Variants in RNF14 observed in about 807,000 individuals in gnomAD.
RNF14 encodes the protein E3 ubiquitin-protein ligase RNF14.
Under a neutral mutation model 52.6 loss-of-function variants are expected in RNF14, and 26 were observed. The ratio of observed to expected loss-of-function variants is 0.49; its 90% CI spans 0.36 to 0.69. The LOEUF (loss-of-function observed/expected upper bound fraction) is 0.69. Ranked by LOEUF, RNF14 falls within the 30% of genes least tolerant of loss-of-function variation. The pLI, the probability that RNF14 is intolerant of heterozygous loss-of-function variation, is 0.00. For synonymous variants in RNF14, 194 were observed against 202.0 expected (o/e 0.96, Z 0.34); for missense variants, 404 against 560.4 (o/e 0.72, Z 2.82).
At chr5:141,980,033 T>C in intron 5 of RNF14, 90 bp from the exon 6 acceptor site, 2 of 977,902 alleles carry the variant, frequency 2.0e-6, no homozygotes, top group South Asian at 1.4e-5. Context: ...TATGTGCCCA[T>C]CTGGTTTACA....
the RNF14 span, chr5:141,952,906 C>T: frequency 1.3e-5 from 2 of 152,238 alleles, no homozygotes; most frequent in Non-Finnish European, 1.5e-5. Context: ...CTCTGTGCAG[C>T]TTGAGGTAGG....
chr5:141,969,836 G>A (rs252132), intron 1 of RNF14: 117,617 of 152,206 alleles, frequency 0.77, 45,635 homozygotes, highest in East Asian at 0.98. Flanking sequence ...CTAATGTGCA[G>A]TCAGATGGAG....
upstream of RNF14, chr5:141,955,141 G>T: frequency 6.2e-7 from 1 of 1,614,208 alleles, no homozygotes; most frequent in Non-Finnish European, 8.5e-7. The surrounding 1 kb of genome is among the most constrained non-coding windows in gnomAD (Gnocchi z 5.5). Context: ...AGAGGAGGCT[G>T]GTGGCCTCTG....
rs1192268968 is a variant in RNF14, at chr5:141,987,989, A to C, written c.*199A>C. On this transcript the variant is annotated 3_prime_UTR_variant, in exon 9 of 9. Coordinates refer to ENST00000394520, the MANE Select transcript of RNF14 (RefSeq NM_004290.5). The stretch of plus-strand genomic sequence containing the variant: ...ACATTTTTAAATGTAAGTTGAGAAA[A>C]ATTTATAAGCCAAAGGTTCAGAAAA... 11 of 548,354 alleles carry C rather than the reference A, an allele frequency of 2.0e-5. No individual in the cohort carries two copies. The highest frequency in any genetic ancestry group is 1.9e-4 in the Admixed American group (6 of 32,046). The allele number at this position is 548,354 out of a possible 1,614,324, so 34.0% of individuals were successfully genotyped here.
At chr5:141,961,172 A>G (rs571639353) in intron 1 of RNF14, among the ~76,000 whole-genome samples, 1 of 152,236 alleles carries the variant, frequency 6.6e-6, no homozygotes, top group African/African-American at 2.4e-5. Flanking sequence ...TGTTTTATCT[A>G]TATATATTTT....
chr5:141,974,924 C>T lies in RNF14; in HGVS notation c.275C>T (p.Thr92Ile). Reference protein sequence around the residue: ...DYPSSSPPSFTLSGKWLSPTQ... With the variant: ...DYPSSSPPSFILSGKWLSPTQ... ...CCATCCTCTTCCCCACCTTCATTCACACTTAGTGGCAAATGGCTGTCACCA... is the reference window on the plus strand; with the variant it reads ...CCATCCTCTTCCCCACCTTCATTCATACTTAGTGGCAAATGGCTGTCACCA... Residue 92 changes from threonine to isoleucine, a missense_variant, in exon 4 of 9, where the codon ACA becomes ATA. Coordinates refer to ENST00000394520, the MANE Select transcript of RNF14 (RefSeq NM_004290.5). The T allele has an allele frequency of 6.2e-7, 1 of 1,613,932 alleles. No individual in the cohort carries two copies. The highest frequency in any genetic ancestry group is 8.5e-7 in the Non-Finnish European group (1 of 1,179,944).
At chr5:141,962,938 C>G (rs868481138), upstream of RNF14, among the ~76,000 whole-genome samples, 11 of 152,140 alleles carry the variant, frequency 7.2e-5, no homozygotes, top group Non-Finnish European at 1.6e-4. Context: ...CCAACTTCAT[C>G]GAGAACCACC....
chr5:141,967,498 A>G (rs896154495), upstream of RNF14, among the ~76,000 whole-genome samples: 3 of 151,928 alleles, frequency 2.0e-5, no homozygotes, highest in South Asian at 4.2e-4. Flanking sequence ...TAAGTCCCCA[A>G]AGTCCATTGT....
At chr5:141,975,924 CA>C (rs5871799) in intron 4 of RNF14, among the ~76,000 whole-genome samples, 103,227 of 131,074 alleles carry the variant, frequency 0.79, 40,230 homozygotes, top group East Asian at 0.96. Context: ...GACCCTGTCT[CA>C]AAAAAAAAAA....
At chr5:141,982,391 CA>C (rs1464268178) in intron 6 of RNF14, among the ~76,000 whole-genome samples, 1 of 152,088 alleles carries the variant, frequency 6.6e-6, no homozygotes, top group African/African-American at 2.4e-5. Context: ...AAAGAATTCA[CA>C]GGTGAAAGCA....
At chr5:141,973,837 A>G (rs768034510) in intron 3 of RNF14, 95 bp downstream of exon 3, 99 of 1,084,342 alleles carry the variant, frequency 9.1e-5, no homozygotes, top group Non-Finnish European at 1.2e-4. Context: ...GGCATTAGTG[A>G]TAGGTGGTAG....
At chr5:141,956,857 A>T (rs146725009), upstream of RNF14, 75 of 1,614,230 alleles carry the variant, frequency 4.6e-5, no homozygotes, top group East Asian at 1.0e-3. Flanking sequence ...ATGGGCTGGG[A>T]TAGGATTGGG....
chr5:141,976,238 G>C (rs536406274), intron 4 of RNF14, among the ~76,000 whole-genome samples: 1 of 152,342 alleles, frequency 6.6e-6, no homozygotes, highest in Admixed American at 6.5e-5. Flanking sequence ...CTGATAGTTG[G>C]CTTAATTATT....
the RNF14 span, among the ~76,000 whole-genome samples, chr5:141,950,144 G>C: frequency 1.3e-5 from 2 of 152,180 alleles, no homozygotes; most frequent in African/African-American, 4.8e-5. Flanking sequence ...GGCCAGAAGA[G>C]CAGACCTATG....
intron 3 of RNF14, 53 bp from the exon 4 acceptor site, chr5:141,974,751 G>A: frequency 6.4e-7 from 1 of 1,566,442 alleles, no homozygotes. Context: ...CAACAGTAGT[G>A]GACACTCAAG....
chr5:141,955,598 A>G, upstream of RNF14: 1 of 1,614,154 alleles, frequency 6.2e-7, no homozygotes. This position sits in a 1 kb window ranked among gnomAD's most constrained non-coding sequence, Gnocchi z 5.5. Flanking sequence ...GCCTCCCGAC[A>G]GTTGTAGGCC....
rs373618361 is a variant in RNF14 at position 141,985,492 on chromosome 5, C to G, written c.1367+559C>G. Among the ~76,000 whole-genome samples the G allele has an allele frequency of 5.9e-5, 9 of 152,278 alleles. No individual in the cohort carries two copies. The East Asian group carries it at 7.7e-4, about 13-fold the overall frequency. On this transcript the variant is annotated intron_variant, in intron 8 of 8. Coordinates refer to ENST00000394520, the MANE Select transcript of RNF14 (RefSeq NM_004290.5). ...GTTCAGTCATTGTATTTGGTTCTAT[C>G]TCTTTAGTCTCTTAATACAGAAAAG...
At chr5:141,968,902 G>A (rs1753463004), upstream of RNF14, 1 of 152,166 alleles carries the variant, frequency 6.6e-6, no homozygotes, top group Non-Finnish European at 1.5e-5. Context: ...TCGAATTCTC[G>A]GGCCCCATCA....
At chr5:141,955,901 G>A, upstream of RNF14, 1 of 1,614,200 alleles carries the variant, frequency 6.2e-7, no homozygotes, top group Non-Finnish European at 8.5e-7. This position sits in a 1 kb window ranked among gnomAD's most constrained non-coding sequence, Gnocchi z 5.5. Flanking sequence ...CCCGTATGAG[G>A]GTTGAGGATG....
Sources: gnomAD v4.1 joint callset for allele counts (sites outside exome capture counted in the v4.1 genomes callset) on GRCh38, gnomAD v4.1.1 for gene constraint, Gnocchi (gnomAD v3.1) non-coding constraint, MANE v1.5 for transcripts, NCBI Gene and HGNC (gene_info 2026-07-23, HGNC 2026-07-21) for gene names.